The following USH2A variants were observed in gnomAD, a reference collection of about 807,000 sequenced individuals.
USH2A encodes the protein usherin, also known as Usher syndrome 2A (autosomal recessive, mild).
A neutral mutation model predicts 538.9 loss-of-function variants in USH2A; 443 were observed. The observed-to-expected ratio is 0.82, with a 90% confidence interval of 0.76 to 0.89. USH2A has a LOEUF of 0.89. USH2A is among the 40% of genes least tolerant of loss of function. The pLI is 0.00. For missense variants in USH2A, 6,633 were observed against 6,324.8 expected (o/e 1.05, Z -1.65); for synonymous variants, 2,413 against 2,273.5 (o/e 1.06, Z -1.75).
At chr1:216,168,707 G>A (rs1049493052) in intron 21 of USH2A, among the ~76,000 whole-genome samples, 2 of 151,992 alleles carry the variant, frequency 1.3e-5, no homozygotes, top group Admixed American at 1.3e-4. Context: ...ATTGCTCCTG[G>A]GGATAACATC....
In USH2A at chr1:215,674,344, C is replaced by T. The variant is rs746442849; in HGVS notation, c.13567G>A (p.Val4523Ile). The T allele has an allele frequency of 6.2e-7, 1 of 1,613,844 alleles. No homozygotes were observed. The highest frequency in any genetic ancestry group is 8.5e-7 in the Non-Finnish European group (1 of 1,179,842). ...GCTGAGGGGCTGGTTCGATCTTTGA[C>T]AAGAGGACTCAAAATACCCCCTTGG... ...NSQGGILSPLVKDRTSPSAPS... is the reference protein window; with the variant it reads ...NSQGGILSPLIKDRTSPSAPS... The change falls in exon 63 of 72, where the codon GTC (valine) becomes ATC (isoleucine). Residue 4523 changes from valine to isoleucine, a missense_variant. Coordinates refer to ENST00000307340, the MANE Select transcript of USH2A (RefSeq NM_206933.4).
chr1:215,773,471 C>T (rs928174676), intron 55 of USH2A, among the ~76,000 whole-genome samples: 25 of 149,318 alleles, frequency 1.7e-4, no homozygotes, highest in African/African-American at 5.8e-4. Flanking sequence ...CCCCACTTTA[C>T]GGATGTCTCT....
chr1:215,817,217 A>G (rs1662884499), intron 47 of USH2A, 22 bp from the exon 48 acceptor site: 1 of 1,609,788 alleles, frequency 6.2e-7, no homozygotes, highest in East Asian at 2.2e-5. Context: ...AGAATAATCA[A>G]TACTTCTGAA....
chr1:216,362,066 A>T (rs1329643709), intron 4 of USH2A, among the ~76,000 whole-genome samples: 1 of 152,190 alleles, frequency 6.6e-6, no homozygotes, highest in African/African-American at 2.4e-5. Flanking sequence ...GTATATAAAT[A>T]TTAAAAACTC....
chr1:215,943,627 A>G (rs1215160779), intron 37 of USH2A, among the ~76,000 whole-genome samples: 1 of 152,194 alleles, frequency 6.6e-6, no homozygotes, highest in Non-Finnish European at 1.5e-5. Context: ...TGATCCAGTG[A>G]AACAATGGCT....
chr1:216,374,661 G>A (rs2038784102), intron 3 of USH2A, among the ~76,000 whole-genome samples: 1 of 151,706 alleles, frequency 6.6e-6, no homozygotes, highest in Non-Finnish European at 1.5e-5. Flanking sequence ...TATCTATATA[G>A]ACTCATGAGT....
intron 24 of USH2A, 89 bp from the exon 25 acceptor site, chr1:216,084,966 T>C: frequency 7.6e-7 from 1 of 1,318,540 alleles, no homozygotes; most frequent in Non-Finnish European, 1.1e-6. Context: ...GTCAAAGAAA[T>C]AGGCACTAGC....
At chr1:215,682,755 A>G (rs78453072) in intron 61 of USH2A, among the ~76,000 whole-genome samples, 1 of 102,842 alleles carries the variant, frequency 9.7e-6, no homozygotes, top group Admixed American at 1.0e-4. Context: ...ACATGTATCT[A>G]AAAAAAAAAG....
In USH2A at chr1:215,766,562, A is replaced by C. The variant is rs555421458; in HGVS notation, c.11047+119T>G. On this transcript the variant is annotated intron_variant, in intron 56 of 71. Transcript: ENST00000307340. ...GAATGGGAACCTAGAATGCTATTTT[A>C]TTTTGTACCTATCAACTTTATTGCC... 33 of 959,304 alleles carry C rather than the reference A, an allele frequency of 3.4e-5. No homozygotes were observed. The African/African-American group carries it at 5.3e-4, about 15-fold the overall frequency. 59.4% of individuals were successfully genotyped at this position (959,304 alleles called of 1,614,324 possible).
chr1:215,805,787 T>C (rs1458511805), intron 49 of USH2A, among the ~76,000 whole-genome samples: 4 of 150,406 alleles, frequency 2.7e-5, no homozygotes, highest in African/African-American at 7.5e-5. Context: ...TGCTAAGCAC[T>C]TAGAAGATAC....
At chr1:215,936,867 TC>T (rs1277366120) in intron 37 of USH2A, among the ~76,000 whole-genome samples, 1 of 152,082 alleles carries the variant, frequency 6.6e-6, no homozygotes. Flanking sequence ...TTAATGAAGA[TC>T]AAATAATGCA....
At chr1:215,919,768 T>G (rs1357748191) in intron 38 of USH2A, among the ~76,000 whole-genome samples, 2 of 152,084 alleles carry the variant, frequency 1.3e-5, no homozygotes, top group Non-Finnish European at 2.9e-5. Context: ...CAAGACTATT[T>G]CACTGACCAT....
rs17658207 is a variant in USH2A at position 216,408,244 on chromosome 1, T to C, written c.651+10270A>G. The stretch of plus-strand genomic sequence containing the variant: ...TTGCTATAAAATATTAGACTGATGA[T>C]AACATTCAGACTGGCAAAAGGCAAA... On this transcript the variant is annotated intron_variant, in intron 3 of 71. Transcript: ENST00000307340. Among the ~76,000 whole-genome samples, 983 of 152,300 alleles carry C rather than the reference T, an allele frequency of 6.5e-3. 2 individuals carry two copies. Among genetic ancestry groups the C allele is most frequent in the Non-Finnish European group, 9.8e-3 (665 of 68,014 alleles).
chr1:215,743,384 A>G (rs528157464), intron 58 of USH2A, 49 bp from the exon 59 acceptor site: 14 of 449,584 alleles, frequency 3.1e-5, no homozygotes, highest in African/African-American at 7.9e-5. Flanking sequence ...ATATATATAT[A>G]TATGTGTGTG....
In USH2A at chr1:216,185,781, A is replaced by G. The variant is rs373890454; in HGVS notation, c.4396+4442T>C. ...GGTCTGCAGTGTATTTCTATGATTT[A>G]ATGTCTATACTTTCTATTCAGATGT... On this transcript the variant is annotated intron_variant, in intron 20 of 71. Transcript: ENST00000307340. Among the ~76,000 whole-genome samples the G allele has an allele frequency of 4.4e-4, 67 of 152,072 alleles. 1 individual carries two copies. The South Asian group carries it at 0.013, about 30-fold the overall frequency.
chr1:215,770,260 G>T (rs886825061), intron 55 of USH2A, among the ~76,000 whole-genome samples: 1 of 152,120 alleles, frequency 6.6e-6, no homozygotes, highest in Non-Finnish European at 1.5e-5. Context: ...AGAGCTAACA[G>T]TATTTAAGTT....
intron 32 of USH2A, among the ~76,000 whole-genome samples, chr1:216,003,412 C>T (rs1229810046): frequency 6.6e-6 from 1 of 152,060 alleles, no homozygotes; most frequent in African/African-American, 2.4e-5. Flanking sequence ...GCAGAAAACA[C>T]AGAACAGAGG....
chr1:215,866,337 G>T (rs552787542), intron 44 of USH2A, among the ~76,000 whole-genome samples: 1 of 152,096 alleles, frequency 6.6e-6, no homozygotes, highest in African/African-American at 2.4e-5. Context: ...GGTTTCTAAC[G>T]TTGCAGGAAC....
chr1:216,001,310 A>G (rs1227345633), intron 32 of USH2A, among the ~76,000 whole-genome samples: 1 of 152,138 alleles, frequency 6.6e-6, no homozygotes. Context: ...GTTTGAATGA[A>G]TGAATAATTA....
Sources: gnomAD v4.1 joint callset for allele counts (sites outside exome capture counted in the v4.1 genomes callset) on GRCh38, gnomAD v4.1.1 for gene constraint, MANE v1.5 for transcripts, NCBI Gene and HGNC (gene_info 2026-07-23, HGNC 2026-07-21) for gene names.